Variants in SUSD1 observed in about 807,000 individuals in gnomAD.
The protein encoded by SUSD1 is sushi domain containing 1, also known as sushi domain-containing protein 1.
In SUSD1, 65 loss-of-function variants were observed where a neutral mutation model predicts 86.9. The observed-to-expected ratio is 0.75, with a 90% CI of 0.61 to 0.92. The LOEUF is 0.92. Among genes scored for constraint, SUSD1 ranks in the 40% least tolerant of loss-of-function variants. SUSD1 has a pLI of 0.00. For synonymous variants in SUSD1, 346 were observed against 350.0 expected, an observed-to-expected ratio of 0.99 and a Z score of 0.13; for missense variants, 850 against 929.7, an observed-to-expected ratio of 0.91 and a Z score of 1.11.
At chr9:112,101,962 C>T (rs1469934409) in intron 9 of SUSD1, among the ~76,000 whole-genome samples, 2 of 152,178 alleles carry the variant, frequency 1.3e-5, no homozygotes, top group East Asian at 3.8e-4. Context: ...ATGCCAGGCA[C>T]AGAAAATGAT....
chr9:112,170,663 C>A (rs547777383), intron 1 of SUSD1, among the ~76,000 whole-genome samples: 1 of 147,528 alleles, frequency 6.8e-6, no homozygotes, highest in East Asian at 2.0e-4. Flanking sequence ...CAGTGACAGA[C>A]TGAATATACA....
At chr9:112,049,230 G>C (rs1428782551) in intron 15 of SUSD1, among the ~76,000 whole-genome samples, 1 of 152,186 alleles carries the variant, frequency 6.6e-6, no homozygotes, top group Non-Finnish European at 1.5e-5. Context: ...AAGAGAAAAA[G>C]GAGTAGTCCC....
chr9:112,113,881 G>A lies in SUSD1; in HGVS notation c.887-1013C>T, dbSNP rs150388861. ...TGGGAGGCAGAGGTTGCAGTGAGCT[G>A]AGATTGCACCACTGCACTCCAGCCT... On this transcript the variant is annotated intron_variant, in intron 6 of 16. Transcript: ENST00000374270. This position sits in a 1 kb window ranked among gnomAD's most constrained non-coding sequence, Gnocchi z 4.1. 0.02 allele frequency among the ~76,000 whole-genome samples: 3,090 copies of A among 151,836 alleles called. 110 individuals carry two copies. The highest frequency in any genetic ancestry group is 0.071 in the African/African-American group (2,924 of 41,412).
chr9:112,135,431 G>C (rs573708486), intron 5 of SUSD1, among the ~76,000 whole-genome samples: 95 of 152,174 alleles, frequency 6.2e-4, no homozygotes, highest in Non-Finnish European at 1.2e-3. Flanking sequence ...AGAAACTGCA[G>C]AGGAGGTGAT....
At position 112,070,985 on chromosome 9, in the gene SUSD1, G is replaced by A. The variant is rs550444006; in HGVS notation, c.1753+7553C>T. 2.0e-5 allele frequency among the ~76,000 whole-genome samples: 3 copies of A among 152,118 alleles called. No homozygotes were observed. The South Asian group carries it at 6.2e-4, about 32-fold the overall frequency. On this transcript the variant is annotated intron_variant, in intron 12 of 16. Transcript: ENST00000374270. ...ACCTAAGTGGTTTTGTTTTGGTTTT[G>A]TTTGTTTGTTTGTTGTAGAAAAGTG...
intron 2 of SUSD1, among the ~76,000 whole-genome samples, chr9:112,155,350 T>C (rs1467220857): frequency 3.3e-5 from 5 of 152,018 alleles, no homozygotes; most frequent in African/African-American, 7.3e-5. Flanking sequence ...ACTTCATTTC[T>C]ATCTCACTGC....
intron 6 of SUSD1, among the ~76,000 whole-genome samples, chr9:112,115,808 C>CAAAAAAAAAAAAAAAAAAAAAAA (rs1406590665): frequency 1.0e-4 from 6 of 59,532 alleles, no homozygotes; most frequent in East Asian, 4.3e-4. Context: ...GACTCCATTG[C>CAAAAAAAAAAAAAAAAAAAAAAA]AAAAAAAAAA....
Position 112,041,398 on chromosome 9 carries a change from G to C in SUSD1, c.*94C>G, listed in dbSNP as rs1310324576. The C allele has an allele frequency of 1.3e-6, 1 of 777,484 alleles. No individual in the cohort carries two copies. Among genetic ancestry groups the C allele is most frequent in the African/African-American group, 1.7e-5 (1 of 59,088 alleles). 48.2% of individuals were successfully genotyped at this position (777,484 alleles called of 1,614,324 possible). Reference sequence around the variant, plus strand: ...TGCAGGCCCACATGCTCCCTGGACGGAAGTCACACGGAGCCTCTGTGCGGG... The same window carrying C: ...TGCAGGCCCACATGCTCCCTGGACGCAAGTCACACGGAGCCTCTGTGCGGG... On this transcript the variant is annotated 3_prime_UTR_variant, in exon 17 of 17. Coordinates refer to ENST00000374270, the MANE Select transcript of SUSD1 (RefSeq NM_022486.5).
intron 14 of SUSD1, among the ~76,000 whole-genome samples, chr9:112,058,039 G>C (rs1828529445): frequency 6.6e-6 from 1 of 152,244 alleles, no homozygotes; most frequent in Admixed American, 6.5e-5. Context: ...AAACAGCCGA[G>C]TGCTGTGCTT....
At chr9:112,044,310 CTT>C (rs1827865699) in intron 15 of SUSD1, among the ~76,000 whole-genome samples, 1 of 152,166 alleles carries the variant, frequency 6.6e-6, no homozygotes, top group Middle Eastern at 3.2e-3. Context: ...ATGTCCAAGT[CTT>C]TATCTGAACA....
At position 112,160,596 on chromosome 9, in the gene SUSD1, G is replaced by C. The variant is rs889116571; in HGVS notation, c.104-2983C>G. On this transcript the variant is annotated intron_variant, in intron 1 of 16. Coordinates refer to ENST00000374270, the MANE Select transcript of SUSD1 (RefSeq NM_022486.5). ...AGAGATGGATGGGCCAGGTACAGTGGCTCATGCCTGTAATCTCAGCATTTG... is the reference window on the plus strand; with the variant it reads ...AGAGATGGATGGGCCAGGTACAGTGCCTCATGCCTGTAATCTCAGCATTTG... 7.2e-5 allele frequency among the ~76,000 whole-genome samples: 11 copies of C among 152,284 alleles called. No homozygotes were observed. The South Asian group carries it at 8.3e-4, about 11-fold the overall frequency.
intron 8 of SUSD1, among the ~76,000 whole-genome samples, chr9:112,106,953 A>G (rs1830868552): frequency 6.6e-6 from 1 of 151,836 alleles, no homozygotes; most frequent in Admixed American, 6.6e-5. Context: ...CAAAAGACAC[A>G]GCAAAGTAGC....
intron 2 of SUSD1, 113 bp downstream of exon 2, chr9:112,157,387 A>G: frequency 1.4e-6 from 1 of 715,002 alleles, no homozygotes; most frequent in Non-Finnish European, 2.3e-6. Context: ...TCTCATAATA[A>G]AAACATGTGA....
chr9:112,140,673 T>G lies in SUSD1; in HGVS notation c.706+1647A>C, dbSNP rs115866003. Among the ~76,000 whole-genome samples the G allele has an allele frequency of 4.2e-3, 643 of 152,314 alleles. 3 individuals carry two copies. The highest frequency in any genetic ancestry group is 0.015 in the African/African-American group (625 of 41,570). On this transcript the variant is annotated intron_variant, in intron 5 of 16. Transcript: ENST00000374270. ...AAAATAATTCTGAAACTAGAATTCC[T>G]GGGTTCAAGTTCAGCTCTGTCTCTA...
intron 5 of SUSD1, among the ~76,000 whole-genome samples, chr9:112,138,242 T>TATATATATATATATATGTATATACAC (rs1554770305): frequency 0.041 from 1,394 of 33,718 alleles, 208 homozygotes; most frequent in South Asian, 0.058. Context: ...AATGTGTATA[T>TATATATATATATATATGTATATACAC]ATATATATAT....
At chr9:112,062,199 T>A (rs1828759033) in intron 13 of SUSD1, among the ~76,000 whole-genome samples, 1 of 152,172 alleles carries the variant, frequency 6.6e-6, no homozygotes, top group Non-Finnish European at 1.5e-5. Flanking sequence ...CAACCTTACA[T>A]AAAGGGCAAC....
chr9:112,145,277 C>CT (rs1564337084), intron 3 of SUSD1, among the ~76,000 whole-genome samples: 3 of 125,202 alleles, frequency 2.4e-5, no homozygotes, highest in African/African-American at 3.1e-5. Context: ...ACCATAATTT[C>CT]CTTTTTTTTT....
chr9:112,096,497 G>A (rs892761361), intron 10 of SUSD1, among the ~76,000 whole-genome samples: 1 of 152,062 alleles, frequency 6.6e-6, no homozygotes, highest in African/African-American at 2.4e-5. Flanking sequence ...GGGACTTCAT[G>A]CCTTTACATT....
chr9:112,110,563 CTT>C (rs913064649), intron 8 of SUSD1, among the ~76,000 whole-genome samples: 4 of 143,452 alleles, frequency 2.8e-5, no homozygotes, highest in Admixed American at 7.0e-5. Context: ...AATTTTCTTT[CTT>C]TTTTTTTTTT....
Sources: allele counts gnomAD v4.1 joint callset (sites outside exome capture counted in the v4.1 genomes callset), GRCh38; gene constraint gnomAD v4.1.1; non-coding constraint Gnocchi (gnomAD v3.1); transcripts MANE v1.5; gene names NCBI Gene and HGNC (gene_info 2026-07-23, HGNC 2026-07-21).